Variants in NBAS observed in about 807,000 individuals in gnomAD.
The protein encoded by NBAS is NAG/BC035112 fusion.
Under a neutral mutation model 302.5 loss-of-function variants are expected in NBAS, and 219 were observed. The ratio of observed to expected loss-of-function variants is 0.72; its 90% CI spans 0.65 to 0.81. NBAS has a LOEUF of 0.81. Ranked by LOEUF, NBAS falls within the 30% of genes least tolerant of loss-of-function variation. The pLI is 0.00. For missense variants in NBAS, 2,932 were observed against 2,841.6 expected (o/e 1.03, Z -0.72); for synonymous variants, 1,118 against 1,021.6 (o/e 1.09, Z -1.80).
At chr2:15,001,846 T>C in the NBAS span, among the ~76,000 whole-genome samples, 2 of 152,110 alleles carry the variant, frequency 1.3e-5, no homozygotes, top group African/African-American at 4.8e-5. Context: ...ATAAAAGCAG[T>C]GTGGACCCAA....
intron 25 of NBAS, among the ~76,000 whole-genome samples, chr2:15,411,320 T>TC (rs1228640707): frequency 6.6e-6 from 1 of 152,140 alleles, no homozygotes; most frequent in Non-Finnish European, 1.5e-5. Context: ...AAGTAGCCAC[T>TC]CCCTCCTTCT....
the NBAS span, among the ~76,000 whole-genome samples, chr2:15,105,987 C>G: frequency 6.6e-6 from 1 of 152,154 alleles, no homozygotes; most frequent in Non-Finnish European, 1.5e-5. Context: ...AACGGGATAG[C>G]TATTACAGTG....
intron 44 of NBAS, among the ~76,000 whole-genome samples, chr2:15,267,432 C>A (rs1229084607): frequency 6.6e-6 from 1 of 152,016 alleles, no homozygotes; most frequent in Non-Finnish European, 1.5e-5. Flanking sequence ...TGTTCTCTAA[C>A]CCTGAGAAAA....
At position 15,499,831 on chromosome 2, in the gene NBAS, A is replaced by C. The variant is rs1456283777; in HGVS notation, c.954+4314T>G. Among the ~76,000 whole-genome samples, 3 of 152,244 alleles carry C rather than the reference A, an allele frequency of 2.0e-5. No homozygotes were observed. In the East Asian group the frequency reaches 5.8e-4, roughly 29 times the overall value. Reference sequence around the variant, plus strand: ...AATGAGACTATTTTAAAACGTTTTGAGAAGGCATAGTGATATTTATTAAGG... The same window carrying C: ...AATGAGACTATTTTAAAACGTTTTGCGAAGGCATAGTGATATTTATTAAGG... On this transcript the variant is annotated intron_variant, in intron 11 of 51. Transcript: ENST00000281513.
At chr2:15,533,518 T>C (rs1170108956) in intron 9 of NBAS, among the ~76,000 whole-genome samples, 2 of 152,188 alleles carry the variant, frequency 1.3e-5, no homozygotes, top group Non-Finnish European at 2.9e-5. Flanking sequence ...TCTGTGTGAT[T>C]CCATTTACGT....
chr2:14,994,484 A>G, the NBAS span, among the ~76,000 whole-genome samples: 1 of 152,190 alleles, frequency 6.6e-6, no homozygotes, highest in African/African-American at 2.4e-5. Flanking sequence ...AGGGTGGGCT[A>G]TGATAATAAC....
At chr2:14,792,356 G>T in the NBAS span, among the ~76,000 whole-genome samples, 2 of 152,144 alleles carry the variant, frequency 1.3e-5, no homozygotes, top group East Asian at 3.9e-4. Context: ...ACTTATAGTG[G>T]TCTACAGTTG....
the NBAS span, among the ~76,000 whole-genome samples, chr2:14,870,937 C>A: frequency 1.3e-5 from 2 of 150,380 alleles, no homozygotes; most frequent in African/African-American, 4.9e-5. Flanking sequence ...AATTAGGAAA[C>A]CACAAATCAA....
chr2:14,926,551 G>T, the NBAS span, among the ~76,000 whole-genome samples: 1 of 152,288 alleles, frequency 6.6e-6, no homozygotes, highest in East Asian at 1.9e-4. Context: ...ATCAATAAAA[G>T]AGAGGTTTTT....
At position 15,555,402 on chromosome 2, in the gene NBAS, T is replaced by C. The variant is rs114837231; in HGVS notation, c.210-1264A>G. On this transcript the variant is annotated intron_variant, in intron 3 of 51. Transcript: ENST00000281513. ...GTGAATACTACCTATATGAGGATGATAATTTCCTCTAGAAGGGAAGGGAAA... is the reference window on the plus strand; with the variant it reads ...GTGAATACTACCTATATGAGGATGACAATTTCCTCTAGAAGGGAAGGGAAA... Among the ~76,000 whole-genome samples the C allele has an allele frequency of 4.4e-3, 673 of 152,194 alleles. 9 individuals are homozygous for C. Among genetic ancestry groups the C allele is most frequent in the African/African-American group, 0.015 (633 of 41,548 alleles).
chr2:15,437,362 TAAAC>T (rs994701789), intron 21 of NBAS, among the ~76,000 whole-genome samples: 4 of 152,152 alleles, frequency 2.6e-5, no homozygotes, highest in Admixed American at 1.3e-4. Context: ...AAGCTATTAA[TAAAC>T]AAAGAAGCAC....
intron 11 of NBAS, among the ~76,000 whole-genome samples, chr2:15,492,459 G>T (rs9973344): frequency 0.64 from 96,966 of 151,898 alleles, 31,679 homozygotes; most frequent in Middle Eastern, 0.69. Context: ...AAACCTTTAT[G>T]TATTTATTTA....
At chr2:15,364,255 G>T (rs1346483229) in intron 32 of NBAS, among the ~76,000 whole-genome samples, 1 of 152,162 alleles carries the variant, frequency 6.6e-6, no homozygotes, top group African/African-American at 2.4e-5. Context: ...TGAAGCAGCC[G>T]GGCACAGTGG....
the NBAS span, among the ~76,000 whole-genome samples, chr2:15,120,139 G>A: frequency 4.2e-4 from 64 of 152,320 alleles, no homozygotes; most frequent in African/African-American, 1.5e-3. Flanking sequence ...TCAGCAGGCA[G>A]ATCTCCAATG....
At chr2:15,195,091 T>C (rs1460066566) in intron 48 of NBAS, among the ~76,000 whole-genome samples, 4 of 152,182 alleles carry the variant, frequency 2.6e-5, no homozygotes, top group Admixed American at 2.0e-4. Flanking sequence ...TAAACATGTA[T>C]TATTTATAAT....
At chr2:15,398,378 G>A (rs75075623) in intron 26 of NBAS, among the ~76,000 whole-genome samples, 7,113 of 152,034 alleles carry the variant, frequency 0.047, 242 homozygotes, top group Non-Finnish European at 0.066. Flanking sequence ...TGATTCTCCC[G>A]CCTTGGCCTT....
chr2:15,275,094 T>A (rs187225136), intron 44 of NBAS, among the ~76,000 whole-genome samples: 29 of 152,276 alleles, frequency 1.9e-4, no homozygotes, highest in African/African-American at 6.7e-4. Flanking sequence ...ATAACTTTTT[T>A]AAAGACTCAG....
chr2:14,835,679 GTTTA>G, the NBAS span, among the ~76,000 whole-genome samples: 1 of 151,776 alleles, frequency 6.6e-6, no homozygotes, highest in Admixed American at 6.6e-5. Flanking sequence ...TATTGTGGTA[GTTTA>G]TTTGTTTTTC....
At position 15,369,846 on chromosome 2, in the gene NBAS, C is replaced by T. The variant is rs139177584; in HGVS notation, c.3704-3153G>A. ...ACACACACACATACACGTGCATGCACGTCTCAGATGTAAAAAGCATTTTCT... is the reference window on the plus strand; with the variant it reads ...ACACACACACATACACGTGCATGCATGTCTCAGATGTAAAAAGCATTTTCT... On this transcript the variant is annotated intron_variant, in intron 31 of 51. Transcript: ENST00000281513. 1.3e-4 allele frequency among the ~76,000 whole-genome samples: 20 copies of T among 152,274 alleles called. No individual in the cohort carries two copies. In the East Asian group the frequency reaches 2.5e-3, roughly 19 times the overall value.
Sources: gnomAD v4.1 joint callset for allele counts (sites outside exome capture counted in the v4.1 genomes callset) on GRCh38, gnomAD v4.1.1 for gene constraint, MANE v1.5 for transcripts, NCBI Gene and HGNC (gene_info 2026-07-23, HGNC 2026-07-21) for gene names.